DOCK4: variants seen among roughly 807,000 people sequenced by gnomAD.
DOCK4 encodes the protein dedicator of cytokinesis 4, also known as dedicator of cytokinesis protein 4.
A neutral mutation model predicts 268.1 loss-of-function variants in DOCK4; 97 were observed. The ratio of observed to expected loss-of-function variants is 0.36; its 90% CI spans 0.31 to 0.43. The LOEUF is 0.43. Ranked by LOEUF, DOCK4 falls within the 20% of genes least tolerant of loss-of-function variation. The pLI is 1.00. For synonymous variants in DOCK4, 954 were observed against 887.2 expected, an observed-to-expected ratio of 1.08 and a Z score of -1.34; for missense variants, 2,145 against 2,455.7, an observed-to-expected ratio of 0.87 and a Z score of 2.67.
intron 1 of DOCK4, among the ~76,000 whole-genome samples, chr7:112,046,184 C>G (rs1030395797): frequency 1.3e-5 from 2 of 151,862 alleles, no homozygotes; most frequent in Non-Finnish European, 2.9e-5. Flanking sequence ...GGAAAAAAAG[C>G]AATCCTAGCC....
chr7:111,769,814 A>G, intron 36 of DOCK4, 137 bp from the exon 37 acceptor site: 1 of 1,025,332 alleles, frequency 9.8e-7, no homozygotes, highest in East Asian at 2.6e-5. Context: ...AATATCCAGA[A>G]TATATGCAGC....
intron 52 of DOCK4, among the ~76,000 whole-genome samples, chr7:111,729,683 C>CCAGCT (rs1794933725): frequency 6.6e-6 from 1 of 152,122 alleles, no homozygotes; most frequent in African/African-American, 2.4e-5. Flanking sequence ...ATTCACTTTC[C>CCAGCT]CAGCTCAGCA....
intron 8 of DOCK4, 127 bp downstream of exon 8, chr7:111,977,005 T>C: frequency 9.0e-7 from 1 of 1,113,814 alleles, no homozygotes; most frequent in Non-Finnish European, 1.2e-6. Context: ...CTCAGAGTTC[T>C]ACTGGTGAGA....
At chr7:111,976,578 T>C (rs1196862698) in intron 8 of DOCK4, 2 of 151,832 alleles carry the variant, frequency 1.3e-5, no homozygotes, top group African/African-American at 4.8e-5. Context: ...TTCTAAATAC[T>C]GAAAAAGAGA....
chr7:112,134,642 G>A (rs922598043), intron 1 of DOCK4, among the ~76,000 whole-genome samples: 1 of 152,192 alleles, frequency 6.6e-6, no homozygotes, highest in Admixed American at 6.5e-5. Flanking sequence ...CGTGAACCCG[G>A]AAGGCAGAGC....
chr7:112,179,918 ATGT>A (rs1223685341), intron 1 of DOCK4, among the ~76,000 whole-genome samples: 1 of 152,152 alleles, frequency 6.6e-6, no homozygotes, highest in Non-Finnish European at 1.5e-5. Context: ...AACTTCTGAC[ATGT>A]TGTTAATAAA....
intron 16 of DOCK4, among the ~76,000 whole-genome samples, chr7:111,884,642 C>T (rs531635097): frequency 1.4e-4 from 21 of 152,080 alleles, no homozygotes; most frequent in African/African-American, 2.7e-4. Context: ...AATAAGCTCA[C>T]GAATCTTATA....
At chr7:112,138,001 T>A (rs1444313532) in intron 1 of DOCK4, among the ~76,000 whole-genome samples, 1 of 152,224 alleles carries the variant, frequency 6.6e-6, no homozygotes, top group Non-Finnish European at 1.5e-5. Context: ...ATCATCATCA[T>A]CCACCTCTAG....
chr7:112,140,554 A>G (rs1193604206), intron 1 of DOCK4, among the ~76,000 whole-genome samples: 1 of 151,960 alleles, frequency 6.6e-6, no homozygotes, highest in East Asian at 1.9e-4. Flanking sequence ...CTCAAAATAC[A>G]TACAGAAATG....
chr7:112,205,126 C>A (rs905180176), intron 1 of DOCK4, among the ~76,000 whole-genome samples: 1 of 152,130 alleles, frequency 6.6e-6, no homozygotes, highest in East Asian at 1.9e-4. Context: ...GAACTGTAAC[C>A]CGCCTGAAAT....
chr7:112,179,742 A>G (rs1019269191), intron 1 of DOCK4, among the ~76,000 whole-genome samples: 7 of 152,172 alleles, frequency 4.6e-5, no homozygotes, highest in African/African-American at 1.7e-4. Flanking sequence ...GGAAATAAAA[A>G]TGGTAGTTAT....
At chr7:111,754,772 G>C (rs575928936) in intron 42 of DOCK4, among the ~76,000 whole-genome samples, 8 of 152,300 alleles carry the variant, frequency 5.3e-5, no homozygotes, top group Middle Eastern at 3.4e-3. Context: ...GCCTGGAGCT[G>C]GGGTCACATT....
intron 8 of DOCK4, among the ~76,000 whole-genome samples, chr7:111,960,299 G>C (rs1367992221): frequency 2.0e-5 from 3 of 150,922 alleles, no homozygotes; most frequent in African/African-American, 4.9e-5. Flanking sequence ...GGGAGGCAGA[G>C]GTTGCAGTGA....
At chr7:112,005,784 C>T (rs575941633) in intron 1 of DOCK4, among the ~76,000 whole-genome samples, 6 of 152,282 alleles carry the variant, frequency 3.9e-5, no homozygotes, top group African/African-American at 1.2e-4. Context: ...CCCTTGTACA[C>T]CCAGGGCTGC....
At chr7:111,840,804 C>A (rs1803624150) in intron 25 of DOCK4, 1 of 1,344,030 alleles carries the variant, frequency 7.4e-7, no homozygotes, top group Non-Finnish European at 9.8e-7. Context: ...TATGTGTCTG[C>A]ACAGACTGAA....
intron 1 of DOCK4, among the ~76,000 whole-genome samples, chr7:112,199,274 G>A (rs1388618319): frequency 1.3e-5 from 2 of 152,124 alleles, no homozygotes; most frequent in Non-Finnish European, 2.9e-5. Flanking sequence ...TATAAGACAA[G>A]CTCTTAGAAC....
At chr7:112,176,159 C>A (rs1198522534) in intron 1 of DOCK4, among the ~76,000 whole-genome samples, 2 of 152,128 alleles carry the variant, frequency 1.3e-5, no homozygotes, top group Non-Finnish European at 2.9e-5. Flanking sequence ...CCAAAGAGCA[C>A]CCTACTAAGA....
rs55704280 is a variant in DOCK4, at chr7:112,111,077, A to G, written c.37+95025T>C. Reference sequence around the variant, plus strand: ...CAGGGTGTGATCATTTCTGAAAAGCACCCACCGCAGGTGATGTCATTGAGG... The same window carrying G: ...CAGGGTGTGATCATTTCTGAAAAGCGCCCACCGCAGGTGATGTCATTGAGG... On this transcript the variant is annotated intron_variant, in intron 1 of 52. Coordinates refer to ENST00000428084, the MANE Select transcript of DOCK4 (RefSeq NM_001363540.2). Among the ~76,000 whole-genome samples the G allele has an allele frequency of 7.8e-3, 1,181 of 152,240 alleles. 19 individuals are homozygous for G. Among genetic ancestry groups the G allele is most frequent in the African/African-American group, 0.027 (1,115 of 41,532 alleles).
chr7:112,001,929 C>T (rs940073058), intron 2 of DOCK4, among the ~76,000 whole-genome samples: 2 of 152,042 alleles, frequency 1.3e-5, no homozygotes, highest in East Asian at 3.9e-4. Flanking sequence ...CCTTACATGT[C>T]TTTTTATAGT....
Sources: gnomAD v4.1 joint callset for allele counts (sites outside exome capture counted in the v4.1 genomes callset) on GRCh38, gnomAD v4.1.1 for gene constraint, MANE v1.5 for transcripts, NCBI Gene and HGNC (gene_info 2026-07-23, HGNC 2026-07-21) for gene names.